The following FGF1 variants were observed in gnomAD, a reference collection of about 807,000 sequenced individuals.
FGF1 encodes the protein beta-endothelial cell growth factor.
Under a neutral mutation model 13.4 loss-of-function variants are expected in FGF1, and 9 were observed. The observed-to-expected ratio is 0.67, with a 90% confidence interval of 0.40 to 1.17. The LOEUF is 1.17. FGF1 is among the 50% of genes most tolerant of loss of function. The pLI is 0.01. For synonymous variants in FGF1, 93 were observed against 79.0 expected, an observed-to-expected ratio of 1.18 and a Z score of -0.94; for missense variants, 156 against 192.7, an observed-to-expected ratio of 0.81 and a Z score of 1.13.
chr5:142,611,148 C>T (rs926321226), intron 2 of FGF1, among the ~76,000 whole-genome samples: 3 of 152,180 alleles, frequency 2.0e-5, no homozygotes, highest in Admixed American at 6.5e-5. Context: ...GTGTGGATCA[C>T]ATTTAGTCAG....
chr5:142,657,237 T>C (rs1459161987), intron 1 of FGF1, among the ~76,000 whole-genome samples: 1 of 152,138 alleles, frequency 6.6e-6, no homozygotes, highest in Non-Finnish European at 1.5e-5. Flanking sequence ...TATTTTCTAA[T>C]GTAAAGGAAA....
rs980328178 is a variant in FGF1, at chr5:142,593,571, A to G, written c.*1719T>C. ...GAAACAGGAGCTAACACTCTCATCA[A>G]TTTTTATTCACAATTACCATTGCTT... On this transcript the variant is annotated 3_prime_UTR_variant, in exon 4 of 4. Transcript: ENST00000337706. The G allele has an allele frequency of 6.6e-6, 1 of 152,180 alleles. No individual in the cohort carries two copies. The highest frequency in any genetic ancestry group is 2.4e-5 in the African/African-American group (1 of 41,450). 9.4% of individuals were successfully genotyped at this position (152,180 alleles called of 1,614,324 possible). A position where few individuals can be genotyped will look rare whatever the true frequency, so the allele number is the denominator to read the frequency against.
chr5:142,676,385 C>T (rs1197100257), intron 1 of FGF1, among the ~76,000 whole-genome samples: 3 of 152,228 alleles, frequency 2.0e-5, no homozygotes, highest in Admixed American at 2.0e-4. Context: ...GAACAAGTTA[C>T]ACTGATGCAG....
intron 1 of FGF1, among the ~76,000 whole-genome samples, chr5:142,617,078 T>C (rs1230733018): frequency 2.6e-5 from 4 of 152,204 alleles, no homozygotes; most frequent in African/African-American, 9.6e-5. Context: ...AAGAATGGCC[T>C]TTCAGGCCAG....
chr5:142,644,651 C>T (rs2151957809), intron 1 of FGF1, among the ~76,000 whole-genome samples: 1 of 152,332 alleles, frequency 6.6e-6, no homozygotes, highest in East Asian at 1.9e-4. Flanking sequence ...GTTTCCAAAA[C>T]TCCCTGAGCA....
chr5:142,689,672 T>C (rs1379354184), upstream of FGF1, among the ~76,000 whole-genome samples: 1 of 150,400 alleles, frequency 6.6e-6, no homozygotes, highest in Non-Finnish European at 1.5e-5. Flanking sequence ...TCGCCTATTC[T>C]ACTGTGTTTT....
At chr5:142,608,911 G>A (rs1052313125) in intron 2 of FGF1, among the ~76,000 whole-genome samples, 2 of 152,006 alleles carry the variant, frequency 1.3e-5, no homozygotes, top group East Asian at 3.9e-4. Flanking sequence ...TGACCGAGGT[G>A]AGAGAACCCT....
At chr5:142,671,093 C>T (rs1561724057) in intron 1 of FGF1, among the ~76,000 whole-genome samples, 1 of 152,206 alleles carries the variant, frequency 6.6e-6, no homozygotes, top group African/African-American at 2.4e-5. Flanking sequence ...TTCATTTAAC[C>T]ATCTATCATC....
chr5:142,681,228 T>C (rs770947349), intron 1 of FGF1, among the ~76,000 whole-genome samples: 9 of 152,240 alleles, frequency 5.9e-5, no homozygotes, highest in Non-Finnish European at 8.8e-5. Context: ...AGGGATTGCA[T>C]TGGCAAATCA....
At chr5:142,620,067 TAGAG>T (rs751364282) in intron 1 of FGF1, among the ~76,000 whole-genome samples, 106 of 151,382 alleles carry the variant, frequency 7.0e-4, no homozygotes, top group African/African-American at 2.4e-3. Flanking sequence ...CATAATGACA[TAGAG>T]AGGTTAAAAG....
chr5:142,658,639 AG>A (rs1260874658), intron 1 of FGF1, among the ~76,000 whole-genome samples: 1 of 152,234 alleles, frequency 6.6e-6, no homozygotes, highest in Non-Finnish European at 1.5e-5. Context: ...CACGAGTTAA[AG>A]GACAAAGAAA....
At chr5:142,695,056 A>C (rs1269999842) in intron 2 of FGF1, among the ~76,000 whole-genome samples, 4 of 152,220 alleles carry the variant, frequency 2.6e-5, no homozygotes, top group Non-Finnish European at 1.5e-5. Flanking sequence ...GGAAATGAGA[A>C]GGTGGCATCC....
chr5:142,643,757 A>T (rs1397183764), intron 1 of FGF1, among the ~76,000 whole-genome samples: 1 of 151,960 alleles, frequency 6.6e-6, no homozygotes, highest in Non-Finnish European at 1.5e-5. Context: ...ACAGACTCTT[A>T]GTTATAGTAA....
chr5:142,695,135 A>T (rs1752897008), intron 2 of FGF1, among the ~76,000 whole-genome samples: 1 of 152,140 alleles, frequency 6.6e-6, no homozygotes, highest in Non-Finnish European at 1.5e-5. Context: ...TTTCTTTGAG[A>T]CTTGGTTTAC....
chr5:142,619,634 G>C (rs1225072615), intron 1 of FGF1, among the ~76,000 whole-genome samples: 1 of 152,180 alleles, frequency 6.6e-6, no homozygotes, highest in Non-Finnish European at 1.5e-5. Context: ...TTATCTTCGT[G>C]ACCAGCCTGA....
intron 2 of FGF1, chr5:142,601,219 G>T: frequency 2.2e-6 from 1 of 455,332 alleles, no homozygotes; most frequent in South Asian, 1.6e-5. Flanking sequence ...TGGCCAGCCT[G>T]CATGTGTTCT....
At chr5:142,649,052 C>A (rs1267334207) in intron 1 of FGF1, among the ~76,000 whole-genome samples, 1 of 152,156 alleles carries the variant, frequency 6.6e-6, no homozygotes, top group African/African-American at 2.4e-5. Flanking sequence ...ATAAGAAACA[C>A]CTGTGTGCAC....
At chr5:142,693,639 T>C (rs1752595489) in intron 2 of FGF1, among the ~76,000 whole-genome samples, 1 of 152,182 alleles carries the variant, frequency 6.6e-6, no homozygotes, top group Non-Finnish European at 1.5e-5. Context: ...TTTTAGAATA[T>C]TTTTGTCACC....
upstream of FGF1, among the ~76,000 whole-genome samples, chr5:142,687,266 T>A (rs1751403782): frequency 6.6e-6 from 1 of 152,100 alleles, no homozygotes; most frequent in Non-Finnish European, 1.5e-5. Context: ...TGCTTAGGTG[T>A]AGAGAGGATG....
Sources: allele counts gnomAD v4.1 joint callset (sites outside exome capture counted in the v4.1 genomes callset), GRCh38; gene constraint gnomAD v4.1.1; transcripts MANE v1.5; gene names NCBI Gene and HGNC (gene_info 2026-07-23, HGNC 2026-07-21).